Variants in DOCK2 observed in about 807,000 individuals in gnomAD.
The protein encoded by DOCK2 is dedicator of cytokinesis protein 2.
DOCK2 carries 87 observed loss-of-function variants against 248.9 expected under a neutral mutation model. That is an observed-to-expected ratio of 0.35 (90% CI 0.29 to 0.42). The LOEUF (loss-of-function observed/expected upper bound fraction) is 0.42, where lower values mean the gene tolerates loss of function less well. Among genes scored for constraint, DOCK2 ranks in the 10% least tolerant of loss-of-function variants. The pLI is 1.00. For missense variants in DOCK2, 1,747 were observed against 2,300.2 expected (o/e 0.76, Z 4.92); for synonymous variants, 805 against 821.6 (o/e 0.98, Z 0.35).
rs142547306 is a variant in DOCK2 at position 169,918,113 on chromosome 5, A to G, written c.2800-64955A>G. ...AAAGTCAAACCTTAGTAGAATTTGA[A>G]AGCTTAAAAATATCCTGTTCAATTT... On this transcript the variant is annotated intron_variant, in intron 27 of 51. Coordinates refer to ENST00000520908, the MANE Select transcript of DOCK2 (RefSeq NM_004946.3). Among the ~76,000 whole-genome samples, 817 of 152,322 alleles carry G rather than the reference A, an allele frequency of 5.4e-3. 8 individuals carry two copies. Among genetic ancestry groups the G allele is most frequent in the African/African-American group, 0.018 (742 of 41,576 alleles).
chr5:170,079,515 G>A, intron 49 of DOCK2: 1 of 228,428 alleles, frequency 4.4e-6, no homozygotes, highest in Non-Finnish European at 8.9e-6. Flanking sequence ...CCAGCCCCAG[G>A]CCTATTCTAA....
chr5:169,799,080 C>A lies in DOCK2; in HGVS notation c.2555-3978C>A, dbSNP rs564094884. The stretch of plus-strand genomic sequence containing the variant: ...CAGAAGCTGGGAATCTAGGGGACAA[C>A]CTGCGCACTCTTATACTCATTGTCA... On this transcript the variant is annotated intron_variant, in intron 25 of 51. Transcript: ENST00000520908. Among the ~76,000 whole-genome samples, 55 of 152,260 alleles carry A rather than the reference C, an allele frequency of 3.6e-4. 1 individual carries two copies. The highest frequency in any genetic ancestry group is 1.6e-4 in the Non-Finnish European group (11 of 68,022).
At chr5:169,735,527 A>C (rs1762991099) in intron 22 of DOCK2, among the ~76,000 whole-genome samples, 1 of 152,030 alleles carries the variant, frequency 6.6e-6, no homozygotes, top group South Asian at 2.1e-4. Flanking sequence ...TTACCTTTTC[A>C]TTGCCCACGT....
intron 27 of DOCK2, among the ~76,000 whole-genome samples, chr5:169,941,196 T>C (rs1241724977): frequency 6.6e-6 from 1 of 152,118 alleles, no homozygotes; most frequent in Non-Finnish European, 1.5e-5. Flanking sequence ...GCTTTTTAAA[T>C]TTATTTATTT....
At chr5:169,679,238 A>T (rs990022219) in intron 6 of DOCK2, among the ~76,000 whole-genome samples, 1 of 152,190 alleles carries the variant, frequency 6.6e-6, no homozygotes, top group African/African-American at 2.4e-5. Context: ...TATTATAAAT[A>T]AATGCATACA....
chr5:169,894,432 A>G (rs1773474443), intron 27 of DOCK2, among the ~76,000 whole-genome samples: 1 of 152,166 alleles, frequency 6.6e-6, no homozygotes. Context: ...ACCAAGGACA[A>G]CTGTTGGGCC....
chr5:169,888,271 A>G (rs761726188), intron 27 of DOCK2, among the ~76,000 whole-genome samples: 12 of 152,136 alleles, frequency 7.9e-5, no homozygotes, highest in South Asian at 4.1e-4. Flanking sequence ...TGGGCTCCCA[A>G]TTGTCCATTA....
intron 29 of DOCK2, among the ~76,000 whole-genome samples, chr5:169,988,940 G>C (rs573489040): frequency 6.6e-6 from 1 of 152,126 alleles, no homozygotes; most frequent in Non-Finnish European, 1.5e-5. Context: ...CTCCAAAAAG[G>C]TGCAACTTAT....
chr5:169,650,431 A>G (rs1757738829), intron 1 of DOCK2, among the ~76,000 whole-genome samples: 1 of 152,200 alleles, frequency 6.6e-6, no homozygotes, highest in Admixed American at 6.5e-5. Context: ...GAAACATTGA[A>G]CTTATCTCCT....
chr5:170,081,770 CTGTCTACCT>C, intron 50 of DOCK2, 63 bp from the exon 51 acceptor site: 1 of 1,370,326 alleles, frequency 7.3e-7, no homozygotes, highest in Non-Finnish European at 9.7e-7. Flanking sequence ...AGCCCTCCCC[CTGTCTACCT>C]CCCCCAAGGC....
chr5:169,941,650 G>A (rs777528847), intron 27 of DOCK2, among the ~76,000 whole-genome samples: 2 of 152,194 alleles, frequency 1.3e-5, no homozygotes, highest in African/African-American at 2.4e-5. Context: ...TGTGGGGACC[G>A]TGACGGCTCC....
chr5:169,891,567 A>G (rs985746052), intron 27 of DOCK2, among the ~76,000 whole-genome samples: 1 of 152,130 alleles, frequency 6.6e-6, no homozygotes, highest in African/African-American at 2.4e-5. Flanking sequence ...TGTTCTAGAA[A>G]ATGTAGGGGA....
rs565185855 is a variant in DOCK2, at chr5:169,991,062, A to G, written c.2994-5024A>G. On this transcript the variant is annotated intron_variant, in intron 29 of 51. Transcript: ENST00000520908. ...ACATGGCTCCTTTTACAGATGGGGC[A>G]GTTGAGATTCACAGAGGTCAACCAC... is the stretch of plus-strand genomic sequence containing the variant. 3.9e-5 allele frequency among the ~76,000 whole-genome samples: 6 copies of G among 152,372 alleles called. No individual in the cohort carries two copies. The East Asian group carries it at 7.7e-4, about 20-fold the overall frequency.
At chr5:169,943,502 CAG>C (rs767142060) in intron 27 of DOCK2, among the ~76,000 whole-genome samples, 43 of 152,172 alleles carry the variant, frequency 2.8e-4, no homozygotes, top group Non-Finnish European at 5.6e-4. Flanking sequence ...CTTGAGAAAA[CAG>C]AAGGTCCCAC....
At chr5:170,031,002 G>C (rs1187372694) in intron 34 of DOCK2, among the ~76,000 whole-genome samples, 1 of 152,224 alleles carries the variant, frequency 6.6e-6, no homozygotes, top group African/African-American at 2.4e-5. Flanking sequence ...GCTCTGCGCA[G>C]TGCACAAGCT....
chr5:169,821,260 TAC>T (rs1768418821), intron 26 of DOCK2, among the ~76,000 whole-genome samples: 1 of 151,928 alleles, frequency 6.6e-6, no homozygotes, highest in Non-Finnish European at 1.5e-5. Context: ...ATTCCAGAAA[TAC>T]AGAGAACGCC....
intron 27 of DOCK2, among the ~76,000 whole-genome samples, chr5:169,854,497 A>G (rs1346480674): frequency 6.6e-6 from 1 of 152,204 alleles, no homozygotes; most frequent in African/African-American, 2.4e-5. Context: ...TAACACTTTC[A>G]TGTATATAAT....
chr5:169,788,185 TCA>T (rs1336932409), intron 25 of DOCK2, among the ~76,000 whole-genome samples: 3 of 152,160 alleles, frequency 2.0e-5, no homozygotes, highest in Non-Finnish European at 2.9e-5. Flanking sequence ...TTGAATCTGG[TCA>T]CATCTCTCTC....
chr5:169,865,321 G>T (rs1561776073), intron 27 of DOCK2, among the ~76,000 whole-genome samples: 1 of 152,180 alleles, frequency 6.6e-6, no homozygotes, highest in East Asian at 1.9e-4. Flanking sequence ...TGAGGTCAGG[G>T]GAGGTGGGCG....
Sources: allele counts gnomAD v4.1 joint callset (sites outside exome capture counted in the v4.1 genomes callset), GRCh38; gene constraint gnomAD v4.1.1; transcripts MANE v1.5; gene names NCBI Gene and HGNC (gene_info 2026-07-23, HGNC 2026-07-21).